The following NRXN3 variants were observed in gnomAD, a reference collection of about 807,000 sequenced individuals.
NRXN3 encodes the protein neurexin III.
In NRXN3, 32 loss-of-function variants were observed where a neutral mutation model predicts 137.6. The observed-to-expected ratio is 0.23, with a 90% CI of 0.18 to 0.31. The LOEUF is 0.31. Ranked by LOEUF, NRXN3 falls within the 10% of genes least tolerant of loss-of-function variation. The pLI, the probability that NRXN3 is intolerant of heterozygous loss-of-function variation, is 1.00. For missense variants in NRXN3, 1,574 were observed against 2,062.5 expected, an observed-to-expected ratio of 0.76 and a Z score of 4.59; for synonymous variants, 798 against 784.5, an observed-to-expected ratio of 1.02 and a Z score of -0.29.
At chr14:79,355,178 A>G (rs2093372723) in intron 15 of NRXN3, among the ~76,000 whole-genome samples, 1 of 152,102 alleles carries the variant, frequency 6.6e-6, no homozygotes, top group Non-Finnish European at 1.5e-5. Context: ...ATAGTTAATG[A>G]TAAGGAATCA....
chr14:79,614,414 A>T (rs1354060607), intron 16 of NRXN3, among the ~76,000 whole-genome samples: 3 of 151,864 alleles, frequency 2.0e-5, no homozygotes, highest in Admixed American at 2.0e-4. Context: ...AAGTATGGAA[A>T]CTCATTTTCA....
intron 8 of NRXN3, among the ~76,000 whole-genome samples, chr14:78,780,363 A>G (rs796527488): frequency 4.6e-5 from 7 of 152,302 alleles, no homozygotes; most frequent in African/African-American, 1.7e-4. Context: ...TTATAAGAAA[A>G]TAATGGTGAT....
chr14:78,828,958 T>C (rs558429049), intron 10 of NRXN3, among the ~76,000 whole-genome samples: 3 of 152,124 alleles, frequency 2.0e-5, no homozygotes, highest in South Asian at 4.2e-4. Flanking sequence ...TCTGAGAAAA[T>C]GATATTTGAA....
chr14:78,373,122 T>G (rs2087167147), intron 4 of NRXN3, among the ~76,000 whole-genome samples: 1 of 152,200 alleles, frequency 6.6e-6, no homozygotes, highest in African/African-American at 2.4e-5. Context: ...CTTTAACAGT[T>G]GAAGTATCTC....
chr14:79,633,756 G>A (rs956713609), intron 16 of NRXN3, among the ~76,000 whole-genome samples: 7 of 152,242 alleles, frequency 4.6e-5, no homozygotes, highest in South Asian at 2.1e-4. Context: ...GTAACAGAAC[G>A]GTGCTGTTTG....
At chr14:79,663,987 C>A (rs766945743) in intron 17 of NRXN3, 38 bp downstream of exon 17, 1 of 1,594,484 alleles carries the variant, frequency 6.3e-7, no homozygotes, top group Non-Finnish European at 8.6e-7. Context: ...CTCTTTTTGA[C>A]TCTCCCATTC....
intron 4 of NRXN3, among the ~76,000 whole-genome samples, chr14:78,435,113 AT>A (rs2094016786): frequency 6.6e-6 from 1 of 152,202 alleles, no homozygotes; most frequent in African/African-American, 2.4e-5. Flanking sequence ...ATCTGGCTGA[AT>A]TATAGTTCCT....
chr14:78,494,628 T>C (rs920197826), intron 4 of NRXN3, among the ~76,000 whole-genome samples: 8 of 152,232 alleles, frequency 5.3e-5, no homozygotes, highest in African/African-American at 1.9e-4. Context: ...CTGAATTACT[T>C]AGGATACATC....
intron 15 of NRXN3, among the ~76,000 whole-genome samples, chr14:79,044,698 AAC>A (rs61363440): frequency 0.86 from 128,699 of 150,134 alleles, 55,358 homozygotes; most frequent in Middle Eastern, 0.95. Flanking sequence ...CTCAAAAGTG[AAC>A]ACACACACAC....
intron 4 of NRXN3, among the ~76,000 whole-genome samples, chr14:78,520,722 T>C (rs2096272943): frequency 1.3e-5 from 2 of 152,142 alleles, no homozygotes; most frequent in South Asian, 4.1e-4. Flanking sequence ...AATATTCTCA[T>C]GTTTGTGAAA....
At chr14:79,802,443 TCAA>T (rs1027806043) in intron 19 of NRXN3, among the ~76,000 whole-genome samples, 14 of 152,308 alleles carry the variant, frequency 9.2e-5, no homozygotes, top group Admixed American at 7.8e-4. Context: ...CCACAACATT[TCAA>T]TTCCAAAGAT....
chr14:78,267,004 A>G (rs967242870), intron 2 of NRXN3, among the ~76,000 whole-genome samples: 7 of 152,142 alleles, frequency 4.6e-5, no homozygotes, highest in Non-Finnish European at 1.0e-4. Context: ...TTGAGCCACT[A>G]TGTTACCCCT....
intron 15 of NRXN3, among the ~76,000 whole-genome samples, chr14:79,202,386 TA>T (rs1228620051): frequency 6.6e-6 from 1 of 152,118 alleles, no homozygotes; most frequent in African/African-American, 2.4e-5. Context: ...GTATTAAGAT[TA>T]TTTTTTTCTG....
chr14:78,942,372 G>A lies in NRXN3; in HGVS notation c.2276-14870G>A, dbSNP rs1425656370. Among the ~76,000 whole-genome samples the A allele has an allele frequency of 2.0e-5, 3 of 152,140 alleles. 1 individual carries two copies. Among genetic ancestry groups the A allele is most frequent in the Admixed American group, 2.0e-4 (3 of 15,274 alleles). Reference sequence around the variant, plus strand: ...ACTGAGCCTCTACTTTCAGCTTTGGGAGCCACAATGAGTGTTTCAGAGCTG... The same window carrying A: ...ACTGAGCCTCTACTTTCAGCTTTGGAAGCCACAATGAGTGTTTCAGAGCTG... On this transcript the variant is annotated intron_variant, in intron 10 of 20. Transcript: ENST00000335750.
intron 4 of NRXN3, among the ~76,000 whole-genome samples, chr14:78,313,422 A>G (rs140500461): frequency 2.6e-5 from 4 of 151,880 alleles, no homozygotes; most frequent in African/African-American, 9.7e-5. Context: ...GAAATGGTTT[A>G]TCTTGTCTGA....
At chr14:78,809,252 T>C (rs1475675612) in intron 9 of NRXN3, among the ~76,000 whole-genome samples, 1 of 152,186 alleles carries the variant, frequency 6.6e-6, no homozygotes, top group African/African-American at 2.4e-5. Flanking sequence ...GGTCACTCTT[T>C]TCTTCCCTCC....
At chr14:78,391,350 C>CTA (rs1210976162) in intron 4 of NRXN3, among the ~76,000 whole-genome samples, 3 of 151,854 alleles carry the variant, frequency 2.0e-5, no homozygotes, top group African/African-American at 7.3e-5. Context: ...GAAGGTGTAT[C>CTA]TAAAAGTTCC....
intron 16 of NRXN3, among the ~76,000 whole-genome samples, chr14:79,576,269 A>C (rs2097664131): frequency 6.6e-6 from 1 of 152,156 alleles, no homozygotes; most frequent in Admixed American, 6.5e-5. Flanking sequence ...GAAGTGGCTG[A>C]AGTCAAAAGC....
chr14:78,909,343 T>G (rs1273535678), intron 10 of NRXN3, among the ~76,000 whole-genome samples: 1 of 152,154 alleles, frequency 6.6e-6, no homozygotes, highest in Non-Finnish European at 1.5e-5. Context: ...TTGCAACAGT[T>G]TTTTGGGCTG....
Sources: allele counts gnomAD v4.1 joint callset (sites outside exome capture counted in the v4.1 genomes callset), GRCh38; gene constraint gnomAD v4.1.1; transcripts MANE v1.5; gene names NCBI Gene and HGNC (gene_info 2026-07-23, HGNC 2026-07-21).